Variants in KIAA0040 observed in about 807,000 individuals in gnomAD.
KIAA0040 encodes KIAA0040.
KIAA0040 carries 10 observed loss-of-function variants against 7.2 expected under a neutral mutation model. The ratio of observed to expected loss-of-function variants is 1.38; its 90% CI spans 0.85 to 2.34. The LOEUF (loss-of-function observed/expected upper bound fraction) is 2.34. Among genes scored for constraint, KIAA0040 ranks in the 30% most tolerant of loss-of-function variants. The pLI, the probability that KIAA0040 is intolerant of heterozygous loss-of-function variation, is 0.00. For synonymous variants in KIAA0040, 49 were observed against 40.1 expected (o/e 1.22, Z -0.84); for missense variants, 89 against 108.2 (o/e 0.82, Z 0.79).
intron 2 of KIAA0040, among the ~76,000 whole-genome samples, chr1:175,173,385 C>T (rs995894316): frequency 1.3e-5 from 2 of 152,176 alleles, no homozygotes; most frequent in Non-Finnish European, 1.5e-5. Context: ...AAGTGTGCAA[C>T]TCTGTGTGTG....
chr1:175,172,673 C>A (rs574912550), intron 2 of KIAA0040, among the ~76,000 whole-genome samples: 3 of 152,344 alleles, frequency 2.0e-5, no homozygotes, highest in Admixed American at 2.0e-4. Flanking sequence ...CTTCTGTAAA[C>A]AAAGATATTG....
chr1:175,180,835 C>T (rs967057528), intron 1 of KIAA0040, among the ~76,000 whole-genome samples: 2 of 152,170 alleles, frequency 1.3e-5, no homozygotes, highest in African/African-American at 4.8e-5. Flanking sequence ...GTGTTTCTGA[C>T]TTCTTGGTGT....
At chr1:175,173,477 A>G (rs1464834709) in intron 2 of KIAA0040, among the ~76,000 whole-genome samples, 2 of 152,206 alleles carry the variant, frequency 1.3e-5, no homozygotes, top group Non-Finnish European at 2.9e-5. Context: ...CAGATGAGGA[A>G]ACTGAGGCTA....
At chr1:175,183,157 C>T (rs774216519) in intron 1 of KIAA0040, among the ~76,000 whole-genome samples, 1 of 152,214 alleles carries the variant, frequency 6.6e-6, no homozygotes, top group African/African-American at 2.4e-5. Context: ...TTCTCTACCA[C>T]CTCACCTCCC....
chr1:175,186,242 A>G (rs1188199454), intron 1 of KIAA0040, among the ~76,000 whole-genome samples: 2 of 152,248 alleles, frequency 1.3e-5, no homozygotes, highest in Non-Finnish European at 2.9e-5. Context: ...AATTTCTTGA[A>G]AACTAATAGA....
intron 1 of KIAA0040, among the ~76,000 whole-genome samples, chr1:175,184,385 TG>T (rs1190421706): frequency 1.4e-4 from 22 of 152,222 alleles, no homozygotes; most frequent in Admixed American, 1.4e-3. Flanking sequence ...GAAGGCCTCC[TG>T]CCCCACTCCC....
At position 175,157,709 on chromosome 1, in the gene KIAA0040, T is replaced by C. The variant is rs1057285; in HGVS notation, c.*3005A>G. ...CTGCTCCCCCCAAGAAAAAGAAACA[T>C]GGAATCCATTGAGCAATGGGGAAAG... On this transcript the variant is annotated 3_prime_UTR_variant, in exon 4 of 4. Coordinates refer to ENST00000423313, the MANE Select transcript of KIAA0040 (RefSeq NM_014656.3). The C allele has an allele frequency of 0.18, 27,750 of 151,492 alleles. 2,877 individuals are homozygous for C. Among genetic ancestry groups the C allele is most frequent in the East Asian group, 0.34 (1,714 of 5,108 alleles). 9.4% of individuals were successfully genotyped at this position (151,492 alleles called of 1,614,324 possible).
At chr1:175,162,401 G>A (rs896268326) in intron 3 of KIAA0040, among the ~76,000 whole-genome samples, 17 of 152,092 alleles carry the variant, frequency 1.1e-4, no homozygotes, top group African/African-American at 3.9e-4. Flanking sequence ...GGCCACACAG[G>A]CCCACCCAGA....
At chr1:175,177,889 T>C (rs1677269217) in intron 1 of KIAA0040, among the ~76,000 whole-genome samples, 1 of 152,224 alleles carries the variant, frequency 6.6e-6, no homozygotes, top group African/African-American at 2.4e-5. Flanking sequence ...ACATAGTGAA[T>C]GTAATGTGTG....
At position 175,176,980 on chromosome 1, in the gene KIAA0040, G is replaced by A. The variant is rs554189485; in HGVS notation, c.-310+631C>T. On this transcript the variant is annotated intron_variant, in intron 2 of 3. Transcript: ENST00000423313. ...CCCATATTCACCCCCCTCGACACAG[G>A]GTTCCCTTAGCCTCATCCCCTCATT... 6.6e-5 allele frequency among the ~76,000 whole-genome samples: 10 copies of A among 152,096 alleles called. No individual in the cohort carries two copies. In the East Asian group the frequency reaches 1.9e-3, roughly 30 times the overall value.
At chr1:175,184,743 G>A (rs1677588408) in intron 1 of KIAA0040, among the ~76,000 whole-genome samples, 1 of 152,298 alleles carries the variant, frequency 6.6e-6, no homozygotes, top group African/African-American at 2.4e-5. Flanking sequence ...GCCCCACAGG[G>A]TTATCAAGAA....
upstream of KIAA0040, chr1:175,192,798 G>C (rs533617046): frequency 1.3e-5 from 2 of 150,290 alleles, no homozygotes; most frequent in African/African-American, 4.9e-5. Flanking sequence ...CCCCGGCGCC[G>C]GCCAAGGTCG....
At chr1:175,174,675 C>T (rs1021622974) in intron 2 of KIAA0040, among the ~76,000 whole-genome samples, 5 of 152,190 alleles carry the variant, frequency 3.3e-5, no homozygotes, top group African/African-American at 1.2e-4. Flanking sequence ...CTTACTGATG[C>T]AGTCCTCCAC....
chr1:175,179,564 T>G (rs1431568827), intron 1 of KIAA0040, among the ~76,000 whole-genome samples: 1 of 152,222 alleles, frequency 6.6e-6, no homozygotes, highest in Non-Finnish European at 1.5e-5. Context: ...ATTTATCTCT[T>G]GATCCCTTGG....
chr1:175,190,283 G>A (rs1031631600), intron 1 of KIAA0040, among the ~76,000 whole-genome samples: 1 of 152,212 alleles, frequency 6.6e-6, no homozygotes, highest in Admixed American at 6.5e-5. Flanking sequence ...TCATCTGGAA[G>A]TCAACATATG....
chr1:175,161,192 G>A, intron 3 of KIAA0040, 46 bp from the exon 4 acceptor site: 1 of 549,700 alleles, frequency 1.8e-6, no homozygotes, highest in Non-Finnish European at 3.2e-6. Flanking sequence ...CAGGGGGACT[G>A]GTCTACAATT....
rs1335080061 is a variant in KIAA0040 at position 175,158,978 on chromosome 1, A to G, written c.*1736T>C. ...TAGAATATATCTTTCCTTTAATGCA[A>G]TCTTATAGAATTTAGTTTTTTGCTA... On this transcript the variant is annotated 3_prime_UTR_variant, in exon 4 of 4. Coordinates refer to ENST00000423313, the MANE Select transcript of KIAA0040 (RefSeq NM_014656.3). 3 of 152,188 alleles carry G rather than the reference A, an allele frequency of 2.0e-5. No homozygotes were observed. The South Asian group carries it at 6.2e-4, about 32-fold the overall frequency. 9.4% of individuals were successfully genotyped at this position (152,188 alleles called of 1,614,324 possible).
chr1:175,167,277 T>A (rs79703012), intron 2 of KIAA0040, among the ~76,000 whole-genome samples: 17,748 of 150,844 alleles, frequency 0.12, 1,395 homozygotes, highest in East Asian at 0.32. Flanking sequence ...TCTTCAACCC[T>A]CCAAGACCTT....
At chr1:175,176,204 T>A (rs1458432828) in intron 2 of KIAA0040, among the ~76,000 whole-genome samples, 1 of 152,142 alleles carries the variant, frequency 6.6e-6, no homozygotes, top group Admixed American at 6.5e-5. Context: ...GTGGCAAAAA[T>A]GTAAATTATG....
Sources: allele counts gnomAD v4.1 joint callset (sites outside exome capture counted in the v4.1 genomes callset), GRCh38; gene constraint gnomAD v4.1.1; transcripts MANE v1.5; gene names NCBI Gene and HGNC (gene_info 2026-07-23, HGNC 2026-07-21).